The following ARPC5 variants were observed in gnomAD, a reference collection of about 807,000 sequenced individuals.
The protein encoded by ARPC5 is actin related protein 2/3 complex subunit 5.
Under a neutral mutation model 15.4 loss-of-function variants are expected in ARPC5, and 5 were observed. The observed-to-expected ratio is 0.32, with a 90% CI of 0.17 to 0.68. The LOEUF is 0.68. ARPC5 is among the 30% of genes least tolerant of loss of function. The pLI, the probability that ARPC5 is intolerant of heterozygous loss-of-function variation, is 0.71. For synonymous variants in ARPC5, 85 were observed against 72.2 expected (o/e 1.18, Z -0.90); for missense variants, 138 against 192.8 (o/e 0.72, Z 1.68).
chr1:183,634,771 T>C (rs1649391321), intron 1 of ARPC5, among the ~76,000 whole-genome samples: 1 of 152,204 alleles, frequency 6.6e-6, no homozygotes, highest in Non-Finnish European at 1.5e-5. Flanking sequence ...GCATTCCCCG[T>C]TGTTTTTTCT....
Position 183,635,565 on chromosome 1 carries a change from T to A in ARPC5, c.95A>T (p.Asp32Val). The change falls in exon 1 of 4, where the codon GAC becomes GTC. Residue 32 changes from aspartate (D) to valine (V), a missense_variant. Coordinates refer to ENST00000359856, the MANE Select transcript of ARPC5 (RefSeq NM_005717.4). Reference sequence around the variant, plus strand: ...GCCCTCGTCGGGCCCGGCCTGGCCGTCGCCCCCATCTTCTTCGTCCACGAA... The same window carrying A: ...GCCCTCGTCGGGCCCGGCCTGGCCGACGCCCCCATCTTCTTCGTCCACGAA... ...NKFVDEEDGG[D>V]GQAGPDEGEV... The A allele has an allele frequency of 6.2e-7, 1 of 1,613,362 alleles. No individual in the cohort carries two copies. The highest frequency in any genetic ancestry group is 8.5e-7 in the Non-Finnish European group (1 of 1,179,820).
intron 2 of ARPC5, 140 bp from the exon 3 acceptor site, chr1:183,630,777 A>C (rs1649241053): frequency 1.3e-6 from 1 of 754,532 alleles, no homozygotes; most frequent in African/African-American, 1.8e-5. Flanking sequence ...AACTGAGGAA[A>C]GTGTTTCAGA....
In ARPC5 at chr1:183,627,447, C is replaced by A. The variant is rs568099699; in HGVS notation, c.*85G>T. 2.0e-5 allele frequency: 23 copies of A among 1,156,472 alleles called. No homozygotes were observed. In the African/African-American group the frequency reaches 3.4e-4, roughly 17 times the overall value. The allele number at this position is 1,156,472 out of a possible 1,614,324, so 71.6% of individuals were successfully genotyped here. A position where few individuals can be genotyped will look rare whatever the true frequency, so the allele number is the denominator to read the frequency against. On this transcript the variant is annotated 3_prime_UTR_variant, in exon 4 of 4. Transcript: ENST00000359856. ...AAAGCTGAGAGAAACAGATGCTACC[C>A]ACAGGGCAGCGGTGGCATTTGGTTG...
chr1:183,630,674 T>C (rs755526506), intron 2 of ARPC5, 37 bp from the exon 3 acceptor site: 3 of 1,583,798 alleles, frequency 1.9e-6, no homozygotes, highest in South Asian at 2.3e-5. Context: ...TTTAGACATA[T>C]CTGTATGAGG....
intron 3 of ARPC5, among the ~76,000 whole-genome samples, chr1:183,628,814 T>C (rs1379254108): frequency 1.3e-5 from 2 of 152,232 alleles, no homozygotes; most frequent in East Asian, 3.8e-4. Flanking sequence ...CTGGCATTGC[T>C]ATAGCCTGAG....
In ARPC5 at chr1:183,634,819, C is replaced by T. The variant is rs1336956386; in HGVS notation, c.143+698G>A. 2.0e-5 allele frequency among the ~76,000 whole-genome samples: 3 copies of T among 151,962 alleles called. No individual in the cohort carries two copies. The East Asian group carries it at 5.8e-4, about 29-fold the overall frequency. On this transcript the variant is annotated intron_variant, in intron 1 of 3. Coordinates refer to ENST00000359856, the MANE Select transcript of ARPC5 (RefSeq NM_005717.4). Reference sequence around the variant, plus strand: ...TTAGCAGGTAAAAGGCTCCAAGCTTCCTTCTAGGAGTTTTGTATTTTTTGT... The same window carrying T: ...TTAGCAGGTAAAAGGCTCCAAGCTTTCTTCTAGGAGTTTTGTATTTTTTGT...
rs905235690 is a variant in ARPC5 at position 183,623,869 on chromosome 1, A to C, written c.*3663T>G. 1 of 219,856 alleles carries C rather than the reference A, an allele frequency of 4.5e-6. No individual in the cohort carries two copies. Among genetic ancestry groups the C allele is most frequent in the Non-Finnish European group, 9.1e-6 (1 of 109,512 alleles). The allele number at this position is 219,856 out of a possible 1,614,324, so 13.6% of individuals were successfully genotyped here. A position where few individuals can be genotyped will look rare whatever the true frequency, so the allele number is the denominator to read the frequency against. ...GAAACCCCATCTCTCCTAAAAATAC[A>C]AAAATTAGCTGGGCACGGTGATGCG... is the stretch of plus-strand genomic sequence containing the variant. On this transcript the variant is annotated 3_prime_UTR_variant, in exon 4 of 4. Coordinates refer to ENST00000359856, the MANE Select transcript of ARPC5 (RefSeq NM_005717.4).
intron 1 of ARPC5, 89 bp from the exon 2 acceptor site, chr1:183,633,243 A>T (rs1649319554): frequency 1.1e-6 from 1 of 903,008 alleles, no homozygotes; most frequent in Non-Finnish European, 1.7e-6. Context: ...TACATATAAA[A>T]AGAAAATTAC....
chr1:183,635,773 C>T lies in ARPC5; in HGVS notation c.-114G>A, dbSNP rs942676872. 72 of 1,388,980 alleles carry T rather than the reference C, an allele frequency of 5.2e-5. No individual in the cohort carries two copies. Among genetic ancestry groups the T allele is most frequent in the Non-Finnish European group, 6.8e-5 (70 of 1,034,014 alleles). 86.0% of individuals were successfully genotyped at this position (1,388,980 alleles called of 1,614,324 possible). Reference sequence around the variant, plus strand: ...TTCACTTCCCTCTTCCGCTCTGAGGCGTCGCCGACTGCCGCGGCTCGGACC... The same window carrying T: ...TTCACTTCCCTCTTCCGCTCTGAGGTGTCGCCGACTGCCGCGGCTCGGACC... On this transcript the variant is annotated 5_prime_UTR_variant, in exon 1 of 4. Transcript: ENST00000359856.
intron 3 of ARPC5, 56 bp downstream of exon 3, chr1:183,630,405 T>C (rs567126175): frequency 3.0e-5 from 42 of 1,385,258 alleles, no homozygotes; most frequent in African/African-American, 2.2e-4. Flanking sequence ...GAGGTTGTCA[T>C]TGTCATTCCC....
rs72182011 is a variant in ARPC5 at position 183,634,930 on chromosome 1, T to TAAAAA, written c.143+582_143+586dup. ...CTTCTTCTTCTTTTTTTTTTTTTTT[T>TAAAAA]AAAAAGGCCAATGGGCTGAAAGCAC... On this transcript the variant is annotated intron_variant, in intron 1 of 3. Transcript: ENST00000359856. 1.1e-3 allele frequency among the ~76,000 whole-genome samples: 146 copies of TAAAAA among 136,664 alleles called. 1 individual carries two copies. The highest frequency in any genetic ancestry group is 3.3e-3 in the African/African-American group (125 of 38,098). 89.7% of individuals were successfully genotyped at this position (136,664 alleles called of 152,430 possible). A position where few individuals can be genotyped will look rare whatever the true frequency, so the allele number is the denominator to read the frequency against.
Position 183,622,591 on chromosome 1 carries a change from G to C in ARPC5, c.*4941C>G, listed in dbSNP as rs1648968841. On this transcript the variant is annotated 3_prime_UTR_variant, in exon 4 of 4. Transcript: ENST00000359856. The stretch of plus-strand genomic sequence containing the variant: ...TCTTTAAGGAAAACAAGGGGTATTG[G>C]GTCACATCTCTGCTCTTAGAAGGTG... 6.6e-6 allele frequency: 1 copy of C among 152,112 alleles called. No individual in the cohort carries two copies. The highest frequency in any genetic ancestry group is 2.4e-5 in the African/African-American group (1 of 41,396). 9.4% of individuals were successfully genotyped at this position (152,112 alleles called of 1,614,324 possible). A position where few individuals can be genotyped will look rare whatever the true frequency, so the allele number is the denominator to read the frequency against.
chr1:183,631,026 T>C lies in ARPC5; in HGVS notation c.217-389A>G, dbSNP rs144590902. 2.2e-4 allele frequency: 35 copies of C among 160,526 alleles called. No homozygotes were observed. In the East Asian group the frequency reaches 4.3e-3, roughly 20 times the overall value. 9.9% of individuals were successfully genotyped at this position (160,526 alleles called of 1,614,324 possible). A position where few individuals can be genotyped will look rare whatever the true frequency, so the allele number is the denominator to read the frequency against. On this transcript the variant is annotated intron_variant, in intron 2 of 3. Coordinates refer to ENST00000359856, the MANE Select transcript of ARPC5 (RefSeq NM_005717.4). ...TAATCTGACTCACATTTTAACAGGA[T>C]TGCTTTGGCATCTATGTTACAGAAA...
rs370088044 is a variant in ARPC5 at position 183,621,637 on chromosome 1, C to T, written c.*5895G>A. ...GAGGGCTGCTGGTTGCCCATTTTAA[C>T]GGTTATTTCTTGATGATATGCTAAA... On this transcript the variant is annotated 3_prime_UTR_variant, in exon 4 of 4. Transcript: ENST00000359856. The T allele has an allele frequency of 5.3e-5, 8 of 152,184 alleles. No homozygotes were observed. The highest frequency in any genetic ancestry group is 7.3e-5 in the Non-Finnish European group (5 of 68,028). 9.4% of individuals were successfully genotyped at this position (152,184 alleles called of 1,614,324 possible).
chr1:183,630,720 G>A (rs1333124447), intron 2 of ARPC5, 83 bp from the exon 3 acceptor site: 4 of 1,336,158 alleles, frequency 3.0e-6, no homozygotes, highest in Non-Finnish European at 4.1e-6. Context: ...CACTATGAAT[G>A]TGACATTTGA....
At chr1:183,634,708 TTCTA>T (rs1162048497) in intron 1 of ARPC5, among the ~76,000 whole-genome samples, 2 of 152,218 alleles carry the variant, frequency 1.3e-5, no homozygotes, top group African/African-American at 2.4e-5. Context: ...ATGACTCATC[TTCTA>T]TCTTATTCAT....
In ARPC5 at chr1:183,621,683, C is replaced by T. The variant is rs1484833971; in HGVS notation, c.*5849G>A. On this transcript the variant is annotated 3_prime_UTR_variant, in exon 4 of 4. Coordinates refer to ENST00000359856, the MANE Select transcript of ARPC5 (RefSeq NM_005717.4). ...CTAAACAAGGGGTGTATTATTCATG[C>T]CTCCCCTTTTTAGACCATATAGGAT... 2.0e-5 allele frequency: 3 copies of T among 152,164 alleles called. No individual in the cohort carries two copies. The highest frequency in any genetic ancestry group is 3.9e-4 in the East Asian group (2 of 5,188). The allele number at this position is 152,164 out of a possible 1,614,324, so 9.4% of individuals were successfully genotyped here. A position where few individuals can be genotyped will look rare whatever the true frequency, so the allele number is the denominator to read the frequency against.
rs1168114627 is a variant in ARPC5 at position 183,623,785 on chromosome 1, G to A, written c.*3747C>T. 1.1e-5 allele frequency: 4 copies of A among 372,752 alleles called. No individual in the cohort carries two copies. The highest frequency in any genetic ancestry group is 4.2e-5 in the African/African-American group (2 of 47,806). The allele number at this position is 372,752 out of a possible 1,614,324, so 23.1% of individuals were successfully genotyped here. On this transcript the variant is annotated 3_prime_UTR_variant, in exon 4 of 4. Coordinates refer to ENST00000359856, the MANE Select transcript of ARPC5 (RefSeq NM_005717.4). ...CGCCTGTAATCCCAGTGCTTTGGGA[G>A]GCGGAGGAGGGTGGATCACCTGAGG...
rs1649049073 is a variant in ARPC5, at chr1:183,624,850, A to C, written c.*2682T>G. ...TAGGCTGAGAGCAAACTGGTGAACAAGATTCAGACCTTATTCTTCTGTTAT... is the reference window on the plus strand; with the variant it reads ...TAGGCTGAGAGCAAACTGGTGAACACGATTCAGACCTTATTCTTCTGTTAT... On this transcript the variant is annotated 3_prime_UTR_variant, in exon 4 of 4. Coordinates refer to ENST00000359856, the MANE Select transcript of ARPC5 (RefSeq NM_005717.4). The C allele has an allele frequency of 6.6e-6, 1 of 152,220 alleles. No individual in the cohort carries two copies. The allele number at this position is 152,220 out of a possible 1,614,324, so 9.4% of individuals were successfully genotyped here. A position where few individuals can be genotyped will look rare whatever the true frequency, so the allele number is the denominator to read the frequency against.
Sources: gnomAD v4.1 joint callset for allele counts (sites outside exome capture counted in the v4.1 genomes callset) on GRCh38, gnomAD v4.1.1 for gene constraint, MANE v1.5 for transcripts, NCBI Gene and HGNC (gene_info 2026-07-23, HGNC 2026-07-21) for gene names.